The following ACAP2 variants were observed in gnomAD, a reference collection of about 807,000 sequenced individuals.
ACAP2 encodes the protein ArfGAP with coiled-coil, ankyrin repeat and PH domains 2, also known as arf-GAP with coiled-coil, ANK repeat and PH domain-containing protein 2.
In ACAP2, 39 loss-of-function variants were observed where a neutral mutation model predicts 115.8. That is an observed-to-expected ratio of 0.34 (90% CI 0.26 to 0.44). The LOEUF (loss-of-function observed/expected upper bound fraction) is 0.44. ACAP2 is among the 20% of genes least tolerant of loss of function. The probability of loss-of-function intolerance (pLI) is 1.00; values close to 1 mark genes in which losing one functional copy is unlikely to be tolerated. For synonymous variants in ACAP2, 289 were observed against 315.8 expected, an observed-to-expected ratio of 0.92 and a Z score of 0.90; for missense variants, 662 against 927.6, an observed-to-expected ratio of 0.71 and a Z score of 3.72.
chr3:195,371,131 T>G (rs549952693), intron 4 of ACAP2, among the ~76,000 whole-genome samples: 25 of 152,332 alleles, frequency 1.6e-4, no homozygotes, highest in African/African-American at 5.8e-4. Flanking sequence ...GGAATAGCAC[T>G]GAATCTGTAA....
At chr3:195,288,026 G>A (rs1287611785) in intron 21 of ACAP2, among the ~76,000 whole-genome samples, 2 of 152,006 alleles carry the variant, frequency 1.3e-5, no homozygotes, top group African/African-American at 2.4e-5. Flanking sequence ...GCTTGAACCC[G>A]GGAGGCAGAG....
rs781752106 is a variant in ACAP2 at position 195,275,714 on chromosome 3, G to A, written c.*3614C>T. On this transcript the variant is annotated 3_prime_UTR_variant, in exon 23 of 23. Coordinates refer to ENST00000326793, the MANE Select transcript of ACAP2 (RefSeq NM_012287.6). ...CTGTAAAACAAAAGGAGCACCCTAG[G>A]ATCAAAAAAGTAGACAACTTTGGAG... 3.3e-5 allele frequency: 5 copies of A among 152,098 alleles called. No individual in the cohort carries two copies. The highest frequency in any genetic ancestry group is 7.4e-5 in the Non-Finnish European group (5 of 68,006). 9.4% of individuals were successfully genotyped at this position (152,098 alleles called of 1,614,324 possible).
At chr3:195,329,116 T>C (rs1436219265) in intron 8 of ACAP2, among the ~76,000 whole-genome samples, 3 of 151,358 alleles carry the variant, frequency 2.0e-5, no homozygotes, top group Non-Finnish European at 1.5e-5. Flanking sequence ...AAAAGAAATG[T>C]CTCTTGCATC....
At chr3:195,316,268 C>T (rs1280238672) in intron 10 of ACAP2, among the ~76,000 whole-genome samples, 1 of 151,420 alleles carries the variant, frequency 6.6e-6, no homozygotes, top group Non-Finnish European at 1.5e-5. Context: ...TAGAAGACTA[C>T]TGTCTTACTT....
intron 1 of ACAP2, among the ~76,000 whole-genome samples, chr3:195,410,481 G>C (rs1291554004): frequency 6.6e-6 from 1 of 152,112 alleles, no homozygotes; most frequent in African/African-American, 2.4e-5. Context: ...TCCACAGAAT[G>C]GGAGAAAATA....
chr3:195,349,793 AAGAGATCC>A (rs1352384512), intron 4 of ACAP2: 6 of 337,812 alleles, frequency 1.8e-5, no homozygotes, highest in Admixed American at 3.3e-5. Flanking sequence ...CAGGCACTCA[AAGAGATCC>A]AGAAATTTGC....
Position 195,278,240 on chromosome 3 carries a change from T to C in ACAP2, c.*1088A>G, listed in dbSNP as rs1319411249. 1 of 152,176 alleles carries C rather than the reference T, an allele frequency of 6.6e-6. No homozygotes were observed. Among genetic ancestry groups the C allele is most frequent in the African/African-American group, 2.4e-5 (1 of 41,456 alleles). 9.4% of individuals were successfully genotyped at this position (152,176 alleles called of 1,614,324 possible). ...CATGTAACCGAATACTAAAGCTATA[T>C]ACACGATATAATTTAAAAGAATGTA... On this transcript the variant is annotated 3_prime_UTR_variant, in exon 23 of 23. Coordinates refer to ENST00000326793, the MANE Select transcript of ACAP2 (RefSeq NM_012287.6).
At chr3:195,334,042 T>C (rs1730342360) in intron 7 of ACAP2, among the ~76,000 whole-genome samples, 1 of 152,058 alleles carries the variant, frequency 6.6e-6, no homozygotes, top group Admixed American at 6.6e-5. Flanking sequence ...AAGAGAAAAA[T>C]CACCCTCATT....
At chr3:195,377,434 C>A (rs983436273) in intron 4 of ACAP2, among the ~76,000 whole-genome samples, 21 of 151,994 alleles carry the variant, frequency 1.4e-4, no homozygotes, top group African/African-American at 4.3e-4. Flanking sequence ...TATGAGCCAC[C>A]ACGCCCAGCC....
chr3:195,323,988 C>T (rs1729613427), intron 9 of ACAP2, among the ~76,000 whole-genome samples: 2 of 152,120 alleles, frequency 1.3e-5, no homozygotes, highest in South Asian at 2.1e-4. Flanking sequence ...GATTATTATG[C>T]ATTGCATGCC....
chr3:195,367,271 G>GT (rs1326026916), intron 4 of ACAP2, among the ~76,000 whole-genome samples: 1 of 152,164 alleles, frequency 6.6e-6, no homozygotes, highest in Non-Finnish European at 1.5e-5. Context: ...TTCCCAGATG[G>GT]TGCTGATGCT....
chr3:195,336,268 A>G (rs1730504207), intron 7 of ACAP2: 1 of 152,074 alleles, frequency 6.6e-6, no homozygotes, highest in South Asian at 2.1e-4. Flanking sequence ...TTCATTGTCA[A>G]GTGGGTGAAG....
intron 1 of ACAP2, among the ~76,000 whole-genome samples, chr3:195,407,463 T>G (rs1712884875): frequency 1.3e-5 from 2 of 152,010 alleles, no homozygotes; most frequent in Admixed American, 6.6e-5. Context: ...TCCCAACACT[T>G]TGAGGAGCCA....
In ACAP2 at chr3:195,320,732, G is replaced by A. The variant is rs1168274084; in HGVS notation, c.826C>T (p.Arg276Ter). 2 of 1,613,356 alleles carry A rather than the reference G, an allele frequency of 1.2e-6. No homozygotes were observed. Among genetic ancestry groups the A allele is most frequent in the Non-Finnish European group, 1.7e-6 (2 of 1,179,522 alleles). ...GIVMEGYLFK[R>*]ASNAFKTWNR... is the part of the protein sequence containing the mutation. ...CAAGTTTTGAAGGCATTGCTGGCTC[G>A]TTTGAACAGATATCCTTCCATAACT... Residue 276 changes from arginine to a stop codon, truncating the protein, a stop_gained, in exon 10 of 23, where the codon CGA becomes TGA. Transcript: ENST00000326793. LOFTEE classifies it high-confidence loss of function.
At chr3:195,391,299 A>G (rs965356732) in intron 2 of ACAP2, among the ~76,000 whole-genome samples, 2 of 144,348 alleles carry the variant, frequency 1.4e-5, no homozygotes, top group Non-Finnish European at 3.0e-5. Context: ...GCACGATCTC[A>G]GCTCACAGCA....
At chr3:195,351,767 T>C (rs2108673512) in intron 4 of ACAP2, among the ~76,000 whole-genome samples, 1 of 152,170 alleles carries the variant, frequency 6.6e-6, no homozygotes, top group Non-Finnish European at 1.5e-5. Flanking sequence ...CCGGCCTAAA[T>C]CCATTTTTTT....
intron 4 of ACAP2, among the ~76,000 whole-genome samples, chr3:195,379,339 T>G (rs1376607192): frequency 6.6e-6 from 1 of 152,174 alleles, no homozygotes; most frequent in East Asian, 1.9e-4. Context: ...TAAAAACTTT[T>G]GTGTGTCAAA....
chr3:195,308,893 G>T, intron 10 of ACAP2, 56 bp from the exon 11 acceptor site: 2 of 1,470,274 alleles, frequency 1.4e-6, no homozygotes, highest in Non-Finnish European at 1.9e-6. Context: ...TTCCATTGTT[G>T]TTAGAAATGA....
rs761520819 is a variant in ACAP2 at position 195,342,432 on chromosome 3, A to G, written c.528+39T>C. On this transcript the variant is annotated intron_variant, in intron 6 of 22. Coordinates refer to ENST00000326793, the MANE Select transcript of ACAP2 (RefSeq NM_012287.6). ...TCAAAAGTAACAACCTGTTTAAGTA[A>G]GCACTGTCTGAAAACATACACAGTA... is the stretch of plus-strand genomic sequence containing the variant. 6 of 1,537,502 alleles carry G rather than the reference A, an allele frequency of 3.9e-6. No homozygotes were observed. In the South Asian group the frequency reaches 6.3e-5, roughly 16 times the overall value.
Sources: gnomAD v4.1 joint callset for allele counts (sites outside exome capture counted in the v4.1 genomes callset) on GRCh38, gnomAD v4.1.1 for gene constraint, MANE v1.5 for transcripts, NCBI Gene and HGNC (gene_info 2026-07-23, HGNC 2026-07-21) for gene names.